Variants in PPWD1 observed in about 807,000 individuals in gnomAD.
PPWD1 encodes the protein peptidylprolyl isomerase domain and WD repeat-containing protein 1.
PPWD1 carries 43 observed loss-of-function variants against 68.8 expected under a neutral mutation model. That is an observed-to-expected ratio of 0.62 (90% CI 0.49 to 0.81). PPWD1 has a LOEUF of 0.81. Ranked by LOEUF, PPWD1 falls within the 30% of genes least tolerant of loss-of-function variation. PPWD1 has a pLI of 0.00. For synonymous variants in PPWD1, 232 were observed against 258.7 expected (o/e 0.90, Z 0.99); for missense variants, 672 against 804.8 (o/e 0.83, Z 2.00).
chr5:65,571,894 G>C lies in PPWD1; in HGVS notation c.577G>C (p.Val193Leu). 6.2e-7 allele frequency: 1 copy of C among 1,613,970 alleles called. No homozygotes were observed. Among genetic ancestry groups the C allele is most frequent in the African/African-American group, 1.3e-5 (1 of 74,992 alleles). The change falls in exon 5 of 11, where the codon GTT becomes CTT. Residue 193 changes from valine (V) to leucine (L), a missense_variant. Val to Leu is a conservative substitution (Grantham distance 32). This residue lies in a region of PPWD1 where 484 missense variants were observed against 646.2 expected (regional missense o/e 0.75). Transcript: ENST00000261308. ...TTGCCCAGGGGATGCAATTTCTTCA[G>C]TTGCTGCTTCCGAAAAGAGTACAGG... The part of the protein sequence containing the change: ...IYCPGDAISS[V>L]AASEKSTGKI...
At chr5:65,584,734 T>G (rs1753747086) in intron 8 of PPWD1, among the ~76,000 whole-genome samples, 1 of 152,180 alleles carries the variant, frequency 6.6e-6, no homozygotes, top group African/African-American at 2.4e-5. Flanking sequence ...CTGTATTTTT[T>G]TTGACTGCTA....
At position 65,569,616 on chromosome 5, in the gene PPWD1, C is replaced by A. The variant is rs370637902; in HGVS notation, c.300-16C>A. On this transcript the variant is annotated splice_polypyrimidine_tract_variant and intron_variant, in intron 2 of 10. Coordinates refer to ENST00000261308, the MANE Select transcript of PPWD1 (RefSeq NM_015342.4). ...ATCTGTCTTAGAAATTAACTTTTAA[C>A]ATTTCATATATGCAGAACAGATTTT... is the stretch of plus-strand genomic sequence containing the variant. The A allele has an allele frequency of 1.8e-5, 28 of 1,548,466 alleles. No homozygotes were observed. In the African/African-American group the frequency reaches 2.9e-4, roughly 16 times the overall value.
chr5:65,574,216 G>A (rs572498840), intron 5 of PPWD1, among the ~76,000 whole-genome samples: 4 of 152,118 alleles, frequency 2.6e-5, no homozygotes, highest in Non-Finnish European at 5.9e-5. Flanking sequence ...CAAATGTGAA[G>A]ATCTGTTTGC....
intron 5 of PPWD1, among the ~76,000 whole-genome samples, chr5:65,573,295 ATTAT>A (rs1481267332): frequency 2.0e-5 from 3 of 149,060 alleles, no homozygotes; most frequent in East Asian, 2.0e-4. Context: ...TTTATTTTTT[ATTAT>A]TTATTTATTT....
chr5:65,575,833 G>A (rs982019297), intron 5 of PPWD1, among the ~76,000 whole-genome samples: 1 of 152,198 alleles, frequency 6.6e-6, no homozygotes, highest in South Asian at 2.1e-4. Flanking sequence ...ACTGCCCTGT[G>A]TCAGAATAAC....
intron 6 of PPWD1, among the ~76,000 whole-genome samples, chr5:65,579,098 A>G (rs1381960007): frequency 2.6e-5 from 4 of 151,722 alleles, no homozygotes; most frequent in Non-Finnish European, 5.9e-5. Context: ...TGTATTTTTA[A>G]TGGCGATGGG....
intron 2 of PPWD1, 157 bp from the exon 3 acceptor site, chr5:65,569,475 A>C (rs1752920261): frequency 1.4e-6 from 1 of 721,588 alleles, no homozygotes; most frequent in South Asian, 3.3e-5. Context: ...CAAAATTTGC[A>C]GTGTTCTGTA....
At chr5:65,571,726 A>T (rs1753011645) in intron 4 of PPWD1, 113 bp from the exon 5 acceptor site, 13 of 1,455,050 alleles carry the variant, frequency 8.9e-6, no homozygotes, top group Non-Finnish European at 1.2e-5. Flanking sequence ...TTGAGCAAGG[A>T]ATCCAAAACT....
rs945466408 is a variant in PPWD1 at position 65,579,387 on chromosome 5, G to A, written c.1161-37G>A. The A allele has an allele frequency of 9.9e-6, 14 of 1,413,396 alleles. 1 individual carries two copies. The highest frequency in any genetic ancestry group is 5.9e-5 in the African/African-American group (4 of 67,950). The allele number at this position is 1,413,396 out of a possible 1,614,324, so 87.6% of individuals were successfully genotyped here. A position where few individuals can be genotyped will look rare whatever the true frequency, so the allele number is the denominator to read the frequency against. On this transcript the variant is annotated intron_variant, in intron 6 of 10. Coordinates refer to ENST00000261308, the MANE Select transcript of PPWD1 (RefSeq NM_015342.4). ...AGTTGTCATAATTGGAATTAACTTC[G>A]GTGATTCTGTTGTATAAAACATTGT...
intron 2 of PPWD1, chr5:65,568,985 T>C (rs1752891869): frequency 2.2e-6 from 1 of 455,996 alleles, no homozygotes. Context: ...TCTAGCTATA[T>C]GGACCTGAGG....
chr5:65,572,099 A>G lies in PPWD1; in HGVS notation c.782A>G (p.Lys261Arg), dbSNP rs780821972. 6.2e-7 allele frequency: 1 copy of G among 1,613,962 alleles called. No individual in the cohort carries two copies. Among genetic ancestry groups the G allele is most frequent in the Non-Finnish European group, 8.5e-7 (1 of 1,179,830 alleles). The change falls in exon 5 of 11, where the codon AAA becomes AGA. Residue 261 changes from lysine to arginine, a missense_variant. Transcript: ENST00000261308. ...CCTCCTCATGAATATAAATTCCCCA[A>G]AAATGTGAACTGGGAATATAAAACT... ...TGPPHEYKFPKNVNWEYKTDT... is the reference protein window; with the variant it reads ...TGPPHEYKFPRNVNWEYKTDT...
chr5:65,577,351 TATTG>T (rs1412532455), intron 6 of PPWD1, among the ~76,000 whole-genome samples: 2 of 152,246 alleles, frequency 1.3e-5, no homozygotes, highest in South Asian at 2.1e-4. Flanking sequence ...GTCTTTTGCT[TATTG>T]ATTTAAATTA....
At chr5:65,566,226 T>C (rs1752751791) in intron 1 of PPWD1, among the ~76,000 whole-genome samples, 1 of 152,222 alleles carries the variant, frequency 6.6e-6, no homozygotes, top group African/African-American at 2.4e-5. Flanking sequence ...GCTGTACTTT[T>C]ATGTGTAGAA....
At chr5:65,571,775 A>AGG in intron 4 of PPWD1, 64 bp from the exon 5 acceptor site, 2 of 1,556,922 alleles carry the variant, frequency 1.3e-6, no homozygotes, top group Non-Finnish European at 1.7e-6. Flanking sequence ...GTAGTGGGAT[A>AGG]GGGAGGGATG....
At chr5:65,573,995 ATCCTCTGAG>A (rs562963051) in intron 5 of PPWD1, among the ~76,000 whole-genome samples, 268 of 152,288 alleles carry the variant, frequency 1.8e-3, no homozygotes, top group Non-Finnish European at 3.3e-3. Context: ...GGTTCTCTGA[ATCCTCTGAG>A]TCTGGATTGA....
chr5:65,572,406 C>T, intron 5 of PPWD1, 120 bp downstream of exon 5: 1 of 1,064,894 alleles, frequency 9.4e-7, no homozygotes, highest in Admixed American at 2.9e-5. Flanking sequence ...TTTTTCTTAG[C>T]ACATTAGAGA....
chr5:65,569,854 T>G (rs1336551171), intron 3 of PPWD1, 24 bp from the exon 4 acceptor site: 2 of 1,581,736 alleles, frequency 1.3e-6, no homozygotes, highest in Non-Finnish European at 1.7e-6. Flanking sequence ...TACTAGAATG[T>G]TTTAATTTCA....
At chr5:65,568,870 G>A (rs1752885515) in intron 2 of PPWD1, 1 of 454,774 alleles carries the variant, frequency 2.2e-6, no homozygotes, top group South Asian at 1.6e-5. Context: ...TATTAGCATT[G>A]CTGTCACTCT....
In PPWD1 at chr5:65,567,741, A is replaced by C; in HGVS notation, c.299+126A>C. ...TAGATTTTTAATTTCTTAAGTTCTG[A>C]AATAAAGGCCTACATGTTCTTTCCT... On this transcript the variant is annotated intron_variant, in intron 2 of 10. Coordinates refer to ENST00000261308, the MANE Select transcript of PPWD1 (RefSeq NM_015342.4). 11 of 1,356,724 alleles carry C rather than the reference A, an allele frequency of 8.1e-6. 1 individual carries two copies. In the South Asian group the frequency reaches 2.0e-4, roughly 25 times the overall value. 84.0% of individuals were successfully genotyped at this position (1,356,724 alleles called of 1,614,324 possible).
Sources: gnomAD v4.1 joint callset for allele counts (sites outside exome capture counted in the v4.1 genomes callset) on GRCh38, gnomAD v4.1.1 for gene constraint, gnomAD v4.1.1 regional missense constraint, MANE v1.5 for transcripts, NCBI Gene and HGNC (gene_info 2026-07-23, HGNC 2026-07-21) for gene names.